DMD: variants seen among roughly 807,000 people sequenced by gnomAD.
DMD encodes the protein mutant dystrophin.
Under a neutral mutation model 330.1 loss-of-function variants are expected in DMD, and 63 were observed. The observed-to-expected ratio is 0.19, with a 90% CI of 0.16 to 0.24. The LOEUF is 0.24. DMD is among the 10% of genes least tolerant of loss of function. The probability of loss-of-function intolerance (pLI) is 1.00; values close to 1 mark genes in which losing one functional copy is unlikely to be tolerated. For missense variants in DMD, 3,344 were observed against 2,684.1 expected, an observed-to-expected ratio of 1.25 and a Z score of -5.43; for synonymous variants, 1,223 against 959.8, an observed-to-expected ratio of 1.27 and a Z score of -5.07.
intron 55 of DMD, among the ~76,000 whole-genome samples, chrX:31,556,066 TA>T (rs1475767602): frequency 9.1e-6 from 1 of 110,070 alleles, no homozygotes; most frequent in Non-Finnish European, 1.9e-5. Flanking sequence ...AGGTGAAGTT[TA>T]AAAAAAATAA....
chrX:32,205,010 TACACAC>T (rs57507348), intron 44 of DMD, among the ~76,000 whole-genome samples: 7 of 53,056 alleles, frequency 1.3e-4, no homozygotes, highest in Non-Finnish European at 2.0e-4. Context: ...CTCTCTCACA[TACACAC>T]ACACACACAC....
intron 47 of DMD, among the ~76,000 whole-genome samples, chrX:31,926,556 G>T (rs1333029405): frequency 9.1e-6 from 1 of 110,015 alleles, no homozygotes; most frequent in African/African-American, 3.3e-5. Context: ...CGCGCCTGTA[G>T]TCCCAGCTAC....
chrX:31,523,713 C>T (rs961885610), intron 55 of DMD, among the ~76,000 whole-genome samples: 1 of 112,137 alleles, frequency 8.9e-6, no homozygotes, highest in African/African-American at 3.2e-5. Flanking sequence ...TGTGGAAGGA[C>T]GGAGCAGTTT....
chrX:32,696,210 G>T (rs1224994029), intron 9 of DMD, among the ~76,000 whole-genome samples: 1 of 111,663 alleles, frequency 9.0e-6, no homozygotes, highest in Non-Finnish European at 1.9e-5. Flanking sequence ...AAGTAGAGCA[G>T]GTACAGCCTG....
chrX:31,310,704 A>G (rs894800241), intron 62 of DMD, among the ~76,000 whole-genome samples: 1 of 102,156 alleles, frequency 9.8e-6, no homozygotes, highest in Non-Finnish European at 2.0e-5. Context: ...AGCACATGCC[A>G]CCATGCCAAG....
intron 19 of DMD, among the ~76,000 whole-genome samples, chrX:32,492,759 T>C (rs933909968): frequency 9.8e-5 from 11 of 112,442 alleles, no homozygotes; most frequent in African/African-American, 3.5e-4. Flanking sequence ...GAAAATATAT[T>C]ACATATGATA....
chrX:32,454,563 G>C (rs1603633853), intron 26 of DMD, 99 bp downstream of exon 26: 2 of 683,266 alleles, frequency 2.9e-6, no homozygotes, highest in East Asian at 6.9e-5. Flanking sequence ...CTTAGAACCA[G>C]GAAAGAGCAG....
intron 7 of DMD, among the ~76,000 whole-genome samples, chrX:32,761,672 T>G (rs2072315429): frequency 9.1e-6 from 1 of 110,342 alleles, no homozygotes; most frequent in African/African-American, 3.3e-5. Flanking sequence ...GGGAGGAGAG[T>G]AGCACTCCTC....
rs961055025 is a variant in DMD at position 32,744,287 on chromosome X, T to A, written c.650-44994A>T. Among the ~76,000 whole-genome samples the A allele has an allele frequency of 2.7e-5, 3 of 110,278 alleles. No individual in the cohort carries two copies. In the Admixed American group the frequency reaches 2.9e-4, roughly 11 times the overall value. ...ATCTAATAAACTATTTTAACCCACA[T>A]CTTACTTAATGTTTTCAGTGGAATT... is the stretch of plus-strand genomic sequence containing the variant. On this transcript the variant is annotated intron_variant, in intron 7 of 78. Coordinates refer to ENST00000357033, the MANE Select transcript of DMD (RefSeq NM_004006.3).
chrX:32,732,489 A>G (rs2067828663), intron 7 of DMD, among the ~76,000 whole-genome samples: 1 of 111,147 alleles, frequency 9.0e-6, no homozygotes, highest in Non-Finnish European at 1.9e-5. Context: ...AATGAAGGAA[A>G]AAGTGTTAAG....
Position 31,391,519 on chromosome X carries a change from C to A in DMD, c.9085-42885G>T, listed in dbSNP as rs1010741810. On this transcript the variant is annotated intron_variant, in intron 60 of 78. Coordinates refer to ENST00000357033, the MANE Select transcript of DMD (RefSeq NM_004006.3). The stretch of plus-strand genomic sequence containing the variant: ...AAAAATATTTCTTCCTATTTTGTGC[C>A]AGACAATATGCCGGGTGTTTGGACT... Among the ~76,000 whole-genome samples, 5 of 111,629 alleles carry A rather than the reference C, an allele frequency of 4.5e-5. No individual in the cohort carries two copies. In the Admixed American group the frequency reaches 4.8e-4, roughly 11 times the overall value.
intron 60 of DMD, among the ~76,000 whole-genome samples, chrX:31,399,712 T>C (rs1004328253): frequency 9.0e-6 from 1 of 111,562 alleles, no homozygotes; most frequent in Admixed American, 9.5e-5. Context: ...ATTAGATCTG[T>C]TGTTTAGCAA....
At chrX:32,403,820 T>C (rs1272463061) in intron 30 of DMD, among the ~76,000 whole-genome samples, 2 of 111,973 alleles carry the variant, frequency 1.8e-5, no homozygotes, top group African/African-American at 6.5e-5. Flanking sequence ...TGAACCCAAA[T>C]CTCTGGGTTA....
At chrX:32,465,988 C>T (rs962212053) in intron 23 of DMD, among the ~76,000 whole-genome samples, 5 of 111,171 alleles carry the variant, frequency 4.5e-5, no homozygotes, top group Admixed American at 1.9e-4. Flanking sequence ...CCAGTAATCT[C>T]CTCTCCTCCT....
At chrX:32,529,025 C>T (rs992898471) in intron 17 of DMD, among the ~76,000 whole-genome samples, 2 of 106,449 alleles carry the variant, frequency 1.9e-5, no homozygotes, top group Non-Finnish European at 1.9e-5. Context: ...AGGTTCACAC[C>T]ATTCTCCTGC....
At chrX:33,219,429 A>G (rs952236605) in intron 1 of DMD, among the ~76,000 whole-genome samples, 7 of 99,084 alleles carry the variant, frequency 7.1e-5, no homozygotes, top group Non-Finnish European at 1.4e-4. Context: ...GAACCTTGTG[A>G]GTTCATTTTT....
At chrX:32,445,340 C>G (rs1200979753) in intron 27 of DMD, among the ~76,000 whole-genome samples, 1 of 110,041 alleles carries the variant, frequency 9.1e-6, no homozygotes, top group African/African-American at 3.3e-5. Context: ...CAGTTGTGAG[C>G]AGCAAAAAAA....
At chrX:31,271,254 G>A (rs1213059235) in intron 62 of DMD, among the ~76,000 whole-genome samples, 2 of 111,405 alleles carry the variant, frequency 1.8e-5, no homozygotes, top group Non-Finnish European at 3.8e-5. Flanking sequence ...AGGTGGTGAT[G>A]TAAAAGTGCA....
rs3045001 is a variant in DMD, at chrX:32,474,208, TACACACACAC to T, written c.2804-1909_2804-1900del. On this transcript the variant is annotated intron_variant, in intron 21 of 78. Transcript: ENST00000357033. Reference sequence around the variant, plus strand: ...ATTCCATCATATATACATACATACATACACACACACACACACACACACACACACTCACCAC... The same window carrying T: ...ATTCCATCATATATACATACATACATACACACACACACACACACTCACCAC... 7.6e-3 allele frequency among the ~76,000 whole-genome samples: 316 copies of T among 41,322 alleles called. 4 individuals carry two copies. In the South Asian group the frequency reaches 0.16, roughly 21 times the overall value. The allele number at this position is 41,322 out of a possible 115,157, so 35.9% of individuals were successfully genotyped here.
Sources: allele counts gnomAD v4.1 joint callset (sites outside exome capture counted in the v4.1 genomes callset), GRCh38; gene constraint gnomAD v4.1.1; transcripts MANE v1.5; gene names NCBI Gene and HGNC (gene_info 2026-07-23, HGNC 2026-07-21).